SCD5: variants seen among roughly 807,000 people sequenced by gnomAD.
SCD5 encodes the protein acyl-CoA-desaturase 4.
SCD5 carries 20 observed loss-of-function variants against 30.4 expected under a neutral mutation model. That is an observed-to-expected ratio of 0.66 (90% CI 0.46 to 0.96). The LOEUF (loss-of-function observed/expected upper bound fraction) is 0.96, where lower values mean the gene tolerates loss of function less well. Ranked by LOEUF, SCD5 falls within the 40% of genes least tolerant of loss-of-function variation. SCD5 has a pLI of 0.00. For synonymous variants in SCD5, 173 were observed against 176.4 expected, an observed-to-expected ratio of 0.98 and a Z score of 0.16; for missense variants, 381 against 443.3, an observed-to-expected ratio of 0.86 and a Z score of 1.26.
At chr4:82,696,326 G>C (rs889485301) in intron 2 of SCD5, among the ~76,000 whole-genome samples, 1 of 152,168 alleles carries the variant, frequency 6.6e-6, no homozygotes, top group African/African-American at 2.4e-5. Context: ...ATCCCGTGAC[G>C]AGAGCGCTGG....
chr4:82,731,058 A>G (rs1302813003), intron 1 of SCD5, among the ~76,000 whole-genome samples: 5 of 152,152 alleles, frequency 3.3e-5, no homozygotes, highest in Non-Finnish European at 7.4e-5. Flanking sequence ...CCACCCCATT[A>G]TGATATTTTA....
At chr4:82,702,726 A>T (rs558879716) in intron 2 of SCD5, among the ~76,000 whole-genome samples, 3 of 152,328 alleles carry the variant, frequency 2.0e-5, no homozygotes, top group African/African-American at 7.2e-5. Context: ...AACTATCTTT[A>T]AAAACCCATG....
At chr4:82,633,552 C>A (rs924239219) in intron 4 of SCD5, among the ~76,000 whole-genome samples, 1 of 152,124 alleles carries the variant, frequency 6.6e-6, no homozygotes, top group South Asian at 2.1e-4. Context: ...TTTTGAGCAA[C>A]CTCCATACTG....
At chr4:82,787,006 T>A (rs1489405318) in intron 1 of SCD5, among the ~76,000 whole-genome samples, 1 of 152,220 alleles carries the variant, frequency 6.6e-6, no homozygotes, top group Non-Finnish European at 1.5e-5. Flanking sequence ...CCAAAAGCTA[T>A]TGTTTTGTTT....
chr4:82,669,247 T>C (rs746196051), intron 3 of SCD5, among the ~76,000 whole-genome samples: 1 of 151,472 alleles, frequency 6.6e-6, no homozygotes, highest in Non-Finnish European at 1.5e-5. Flanking sequence ...TGGATAGATA[T>C]GTGATGCTCA....
intron 1 of SCD5, among the ~76,000 whole-genome samples, chr4:82,767,016 T>C (rs750826503): frequency 2.6e-5 from 4 of 152,096 alleles, no homozygotes; most frequent in Non-Finnish European, 4.4e-5. Context: ...TGAGGCAATA[T>C]CCTTCTGAGT....
intron 1 of SCD5, among the ~76,000 whole-genome samples, chr4:82,740,548 C>CA (rs1720850882): frequency 6.6e-6 from 1 of 152,218 alleles, no homozygotes; most frequent in Non-Finnish European, 1.5e-5. Flanking sequence ...TCATCCAACT[C>CA]AGACAGACAT....
intron 1 of SCD5, among the ~76,000 whole-genome samples, chr4:82,770,291 C>G (rs1721592831): frequency 6.6e-6 from 1 of 152,104 alleles, no homozygotes; most frequent in East Asian, 1.9e-4. Context: ...GGGTCACACC[C>G]CAATTTATAA....
intron 2 of SCD5, among the ~76,000 whole-genome samples, chr4:82,684,580 T>C (rs1380988568): frequency 2.0e-5 from 3 of 152,138 alleles, no homozygotes; most frequent in Non-Finnish European, 4.4e-5. Context: ...AAGGTTTGGG[T>C]ACCTAGAGCT....
intron 1 of SCD5, among the ~76,000 whole-genome samples, chr4:82,740,125 C>T (rs1720842496): frequency 6.6e-6 from 1 of 152,210 alleles, no homozygotes; most frequent in Admixed American, 6.5e-5. Flanking sequence ...ACACATAAAG[C>T]ATCTACCCCC....
At chr4:82,730,963 G>A (rs1289517558) in intron 1 of SCD5, among the ~76,000 whole-genome samples, 1 of 152,154 alleles carries the variant, frequency 6.6e-6, no homozygotes, top group Non-Finnish European at 1.5e-5. Context: ...CCAATCAAGA[G>A]CTGACAGTCT....
chr4:82,640,246 C>T (rs1727514489), intron 3 of SCD5, among the ~76,000 whole-genome samples: 1 of 152,234 alleles, frequency 6.6e-6, no homozygotes, highest in Non-Finnish European at 1.5e-5. Context: ...GTTCTAGAAG[C>T]TCTACCCTGC....
At chr4:82,700,978 TATTCTTAATCTAACAC>T in intron 2 of SCD5, among the ~76,000 whole-genome samples, 1 of 152,302 alleles carries the variant, frequency 6.6e-6, no homozygotes, top group South Asian at 2.1e-4. Flanking sequence ...TTATTATTCT[TATTCTTAATCTAACAC>T]ATAACAATTT....
intron 2 of SCD5, among the ~76,000 whole-genome samples, chr4:82,687,579 C>T (rs1728739424): frequency 6.6e-6 from 1 of 152,182 alleles, no homozygotes; most frequent in African/African-American, 2.4e-5. Context: ...ACTAATCAAC[C>T]AATCACACGT....
In SCD5 at chr4:82,656,281, G is replaced by A. The variant is rs185750867; in HGVS notation, c.570-19458C>T. Among the ~76,000 whole-genome samples the A allele has an allele frequency of 1.2e-3, 179 of 152,188 alleles. 1 individual carries two copies. Among genetic ancestry groups the A allele is most frequent in the African/African-American group, 4.2e-3 (176 of 41,524 alleles). ...CCACAACCCCCCAACAGGCCAGGGT[G>A]TGTGATGTTCCCTTCCCTGTGTCCA... On this transcript the variant is annotated intron_variant, in intron 3 of 4. Coordinates refer to ENST00000319540, the MANE Select transcript of SCD5 (RefSeq NM_001037582.3).
intron 1 of SCD5, among the ~76,000 whole-genome samples, chr4:82,710,897 AG>A (rs1415403194): frequency 4.1e-3 from 6 of 1,456 alleles, no homozygotes; most frequent in Admixed American, 0.03. Flanking sequence ...AACGAGACAG[AG>A]AGAGAGAGAG....
At chr4:82,757,313 G>C (rs945207729) in intron 1 of SCD5, among the ~76,000 whole-genome samples, 4 of 152,070 alleles carry the variant, frequency 2.6e-5, no homozygotes, top group Admixed American at 6.6e-5. Flanking sequence ...GGCTTCCCAG[G>C]ACCCCGAACC....
intron 2 of SCD5, among the ~76,000 whole-genome samples, chr4:82,701,619 T>G (rs1348908063): frequency 6.6e-6 from 1 of 152,220 alleles, no homozygotes; most frequent in Non-Finnish European, 1.5e-5. Flanking sequence ...AGTCTGTCTA[T>G]CCACTAATTA....
chr4:82,689,614 T>C (rs934565228), intron 2 of SCD5, among the ~76,000 whole-genome samples: 39 of 152,224 alleles, frequency 2.6e-4, no homozygotes, highest in African/African-American at 9.2e-4. Flanking sequence ...ATTTTGCAGC[T>C]GTCATGGCAA....
Sources: gnomAD v4.1 joint callset for allele counts (sites outside exome capture counted in the v4.1 genomes callset) on GRCh38, gnomAD v4.1.1 for gene constraint, MANE v1.5 for transcripts, NCBI Gene and HGNC (gene_info 2026-07-23, HGNC 2026-07-21) for gene names.